ARHGAP28: variants seen among roughly 807,000 people sequenced by gnomAD.
ARHGAP28 encodes Rho GTPase activating protein 28, also known as rho GTPase-activating protein 28.
ARHGAP28 carries 56 observed loss-of-function variants against 90.7 expected under a neutral mutation model. The observed-to-expected ratio is 0.62, with a 90% CI of 0.50 to 0.77. The LOEUF is 0.77. Among genes scored for constraint, ARHGAP28 ranks in the 30% least tolerant of loss-of-function variants. The pLI, the probability that ARHGAP28 is intolerant of heterozygous loss-of-function variation, is 0.00. For missense variants in ARHGAP28, 869 were observed against 900.9 expected, an observed-to-expected ratio of 0.96 and a Z score of 0.45; for synonymous variants, 308 against 323.3, an observed-to-expected ratio of 0.95 and a Z score of 0.51.
intron 3 of ARHGAP28, among the ~76,000 whole-genome samples, chr18:6,840,232 CA>C (rs2056795402): frequency 1.3e-5 from 2 of 152,318 alleles, no homozygotes; most frequent in Non-Finnish European, 1.5e-5. Context: ...TGTCCGGGAT[CA>C]TCTTGAGAGG....
chr18:6,839,208 C>T (rs940273186), intron 3 of ARHGAP28, among the ~76,000 whole-genome samples: 1 of 151,630 alleles, frequency 6.6e-6, no homozygotes, highest in African/African-American at 2.4e-5. Flanking sequence ...TCTTAACAAT[C>T]TTTTTGAAAG....
Position 6,889,935 on chromosome 18 carries a change from C to T in ARHGAP28, c.1584C>T (p.Asn528=). 6.2e-7 allele frequency: 1 copy of T among 1,614,178 alleles called. No individual in the cohort carries two copies. The highest frequency in any genetic ancestry group is 8.5e-7 in the Non-Finnish European group (1 of 1,180,014). The part of the protein sequence containing the change: ...FNKVIANESK[N]RMSLWNISTV... ...AAGTGATTGCCAATGAATCAAAAAA[C>T]CGAATGAGTCTGTGGAACATTTCTA... The change falls in exon 13 of 18, where the codon AAC becomes AAT. Residue 528 remains asparagine (N), a synonymous_variant. Transcript: ENST00000383472.
rs188390702 is a variant in ARHGAP28 at position 6,784,576 on chromosome 18, G to T, written c.123-40186G>T. Among the ~76,000 whole-genome samples the T allele has an allele frequency of 5.6e-4, 86 of 152,238 alleles. 1 individual carries two copies. The highest frequency in any genetic ancestry group is 2.0e-3 in the African/African-American group (83 of 41,536). Reference sequence around the variant, plus strand: ...GATTCCATTCTAAACTCCAGGCAAGGGGGCAGATGTTAGGGATACAAAGAA... The same window carrying T: ...GATTCCATTCTAAACTCCAGGCAAGTGGGCAGATGTTAGGGATACAAAGAA... On this transcript the variant is annotated intron_variant, in intron 1 of 17. Coordinates refer to ENST00000383472, the MANE Select transcript of ARHGAP28 (RefSeq NM_001366230.1).
intron 2 of ARHGAP28, among the ~76,000 whole-genome samples, chr18:6,826,683 C>CTTTTTTTTTT (rs36069648): frequency 1.0e-4 from 9 of 88,262 alleles, no homozygotes; most frequent in Admixed American, 1.6e-4. Context: ...GGATTTTGAG[C>CTTTTTTTTTT]TTTTTTTTTT....
chr18:6,841,203 C>CCTCTCTCTCTCTCTCTCT (rs1555631524), intron 3 of ARHGAP28, among the ~76,000 whole-genome samples: 4 of 41,978 alleles, frequency 9.5e-5, no homozygotes, highest in African/African-American at 3.5e-4. Context: ...CTCTCTCTCT[C>CCTCTCTCTCTCTCTCTCT]CTCTCCTCTC....
At chr18:6,845,639 C>G (rs2056860653) in intron 3 of ARHGAP28, among the ~76,000 whole-genome samples, 1 of 152,174 alleles carries the variant, frequency 6.6e-6, no homozygotes, top group South Asian at 2.1e-4. Context: ...GTGTTCTCAT[C>G]ATTCAGCTCC....
In ARHGAP28 at chr18:6,865,760, T is replaced by C. The variant is rs751271720; in HGVS notation, c.727-2390T>C. Among the ~76,000 whole-genome samples the C allele has an allele frequency of 5.9e-5, 9 of 152,150 alleles. No individual in the cohort carries two copies. In the East Asian group the frequency reaches 1.5e-3, roughly 26 times the overall value. On this transcript the variant is annotated intron_variant, in intron 5 of 17. Transcript: ENST00000383472. ...TACCAGGCTCCTACAATTTAAAATTTAACATAATAACCCCTCATACTCTAC... is the reference window on the plus strand; with the variant it reads ...TACCAGGCTCCTACAATTTAAAATTCAACATAATAACCCCTCATACTCTAC...
chr18:6,911,498 C>T (rs902618299), intron 17 of ARHGAP28, among the ~76,000 whole-genome samples: 3 of 151,834 alleles, frequency 2.0e-5, no homozygotes, highest in Non-Finnish European at 2.9e-5. Flanking sequence ...TGCAATGGTG[C>T]GATCTTGGCT....
Position 6,885,652 on chromosome 18 carries a change from G to A in ARHGAP28, c.1454-1505G>A, listed in dbSNP as rs549675263. 1.7e-4 allele frequency among the ~76,000 whole-genome samples: 26 copies of A among 152,212 alleles called. No homozygotes were observed. In the South Asian group the frequency reaches 4.4e-3, roughly 26 times the overall value. The stretch of plus-strand genomic sequence containing the variant: ...ACAAAACTATTAATCACAAAACAGC[G>A]TTGGGCCAGGTTTCCTAAGTAAAAT... On this transcript the variant is annotated intron_variant, in intron 11 of 17. Coordinates refer to ENST00000383472, the MANE Select transcript of ARHGAP28 (RefSeq NM_001366230.1).
At chr18:6,890,135 G>A (rs149060476) in intron 13 of ARHGAP28, 50 bp downstream of exon 13, 2 of 1,595,416 alleles carry the variant, frequency 1.3e-6, no homozygotes, top group East Asian at 2.2e-5. Context: ...ATGTCCCCAG[G>A]AAACATAAAG....
intron 3 of ARHGAP28, among the ~76,000 whole-genome samples, chr18:6,841,159 C>CCCTG (rs765748947): frequency 2.2e-5 from 2 of 92,222 alleles, no homozygotes; most frequent in Non-Finnish European, 2.3e-5. Flanking sequence ...TCTCCTCTTT[C>CCCTG]TCTCTCTCCT....
chr18:6,731,971 T>G (rs1329477306), intron 1 of ARHGAP28, among the ~76,000 whole-genome samples: 1 of 152,154 alleles, frequency 6.6e-6, no homozygotes, highest in Non-Finnish European at 1.5e-5. Context: ...ATGACCAGAA[T>G]GGCCCTAGAA....
Position 6,870,682 on chromosome 18 carries a change from A to C in ARHGAP28, c.904A>C (p.Arg302=), listed in dbSNP as rs750034646. ...AGAAATGGTTACGGAGGCTCTAAAA[A>C]GAAATAAACTTAAGAAATCAGAGAT... ...YSEMVTEALK[R]NKLKKSEIKK... The change falls in exon 7 of 18, where the codon AGA becomes CGA. Residue 302 remains arginine, a synonymous_variant. Coordinates refer to ENST00000383472, the MANE Select transcript of ARHGAP28 (RefSeq NM_001366230.1). The C allele has an allele frequency of 6.2e-7, 1 of 1,612,260 alleles. No homozygotes were observed. Among genetic ancestry groups the C allele is most frequent in the Non-Finnish European group, 8.5e-7 (1 of 1,179,008 alleles).
chr18:6,903,852 A>G (rs1274636427), intron 16 of ARHGAP28, among the ~76,000 whole-genome samples: 1 of 144,924 alleles, frequency 6.9e-6, no homozygotes, highest in Non-Finnish European at 1.5e-5. Flanking sequence ...AAAAGAATCC[A>G]GAAAGATAGA....
rs2057062449 is a variant in ARHGAP28, at chr18:6,869,250, A to ATTTTTTTTTTTT, written c.811+1018_811+1019insTTTTTTTTTTTT. Among the ~76,000 whole-genome samples the ATTTTTTTTTTTT allele has an allele frequency of 3.9e-5, 4 of 103,812 alleles. 2 individuals are homozygous for ATTTTTTTTTTTT. Among genetic ancestry groups the ATTTTTTTTTTTT allele is most frequent in the Non-Finnish European group, 8.0e-5 (4 of 50,098 alleles). 68.1% of individuals were successfully genotyped at this position (103,812 alleles called of 152,430 possible). A position where few individuals can be genotyped will look rare whatever the true frequency, so the allele number is the denominator to read the frequency against. ...GGAGCATCATAGCTCTCCTTTTGCC[A>ATTTTTTTTTTTT]TTCTTTTTTTTTTTTTTTTTTTTTT... is the stretch of plus-strand genomic sequence containing the variant. On this transcript the variant is annotated intron_variant, in intron 6 of 17. Coordinates refer to ENST00000383472, the MANE Select transcript of ARHGAP28 (RefSeq NM_001366230.1).
intron 1 of ARHGAP28, among the ~76,000 whole-genome samples, chr18:6,758,433 C>T (rs541208083): frequency 2.6e-5 from 4 of 152,190 alleles, no homozygotes; most frequent in Admixed American, 2.6e-4. Flanking sequence ...AAATGATTCT[C>T]CAGCTGCAGC....
rs374864164 is a variant in ARHGAP28, at chr18:6,823,088, T to G, written c.123-1674T>G. Among the ~76,000 whole-genome samples, 47 of 152,322 alleles carry G rather than the reference T, an allele frequency of 3.1e-4. No homozygotes were observed. The East Asian group carries it at 7.3e-3, about 24-fold the overall frequency. On this transcript the variant is annotated intron_variant, in intron 1 of 17. Coordinates refer to ENST00000383472, the MANE Select transcript of ARHGAP28 (RefSeq NM_001366230.1). ...GAGTGAAACAGCTCAGACCATATAT[T>G]GCTTAAGAGTTAGTCTTGGTCTTTT...
chr18:6,901,435 G>A (rs930489603), intron 16 of ARHGAP28, among the ~76,000 whole-genome samples: 2 of 151,518 alleles, frequency 1.3e-5, no homozygotes, highest in Non-Finnish European at 2.9e-5. Flanking sequence ...AAAAGCAACT[G>A]TACAGCCAAG....
chr18:6,914,574 A>G lies in ARHGAP28; in HGVS notation c.*2420A>G, dbSNP rs959747583. ...AAAGATGCCTGTCATCTAAGTATTGAAAGAATTTTTGCCTTATCAAGAGTT... is the reference window on the plus strand; with the variant it reads ...AAAGATGCCTGTCATCTAAGTATTGGAAGAATTTTTGCCTTATCAAGAGTT... On this transcript the variant is annotated 3_prime_UTR_variant, in exon 18 of 18. Coordinates refer to ENST00000383472, the MANE Select transcript of ARHGAP28 (RefSeq NM_001366230.1). The G allele has an allele frequency of 5.3e-4, 31 of 58,738 alleles. No individual in the cohort carries two copies. Among genetic ancestry groups the G allele is most frequent in the African/African-American group, 1.7e-3 (30 of 17,598 alleles). The allele number at this position is 58,738 out of a possible 1,614,324, so 3.6% of individuals were successfully genotyped here. A position where few individuals can be genotyped will look rare whatever the true frequency, so the allele number is the denominator to read the frequency against.
Sources: gnomAD v4.1 joint callset for allele counts (sites outside exome capture counted in the v4.1 genomes callset) on GRCh38, gnomAD v4.1.1 for gene constraint, MANE v1.5 for transcripts, NCBI Gene and HGNC (gene_info 2026-07-23, HGNC 2026-07-21) for gene names.